MAP3K14: variants seen among roughly 807,000 people sequenced by gnomAD.
MAP3K14 encodes mitogen-activated protein kinase kinase kinase 14.
A neutral mutation model predicts 99.2 loss-of-function variants in MAP3K14; 16 were observed. The ratio of observed to expected loss-of-function variants is 0.16; its 90% confidence interval spans 0.11 to 0.24. The LOEUF is 0.24. Among genes scored for constraint, MAP3K14 ranks in the 10% least tolerant of loss-of-function variants. The pLI is 1.00. For missense variants in MAP3K14, 784 were observed against 1,208.7 expected (o/e 0.65, Z 5.21); for synonymous variants, 462 against 492.4 (o/e 0.94, Z 0.82).
At chr17:45,303,924 G>C (rs921919261) in intron 1 of MAP3K14, among the ~76,000 whole-genome samples, 3 of 150,654 alleles carry the variant, frequency 2.0e-5, no homozygotes, top group South Asian at 4.2e-4. Context: ...TTATACACAT[G>C]TAATGTCATA....
At chr17:45,269,797 A>G (rs2044127903) in intron 11 of MAP3K14, among the ~76,000 whole-genome samples, 1 of 152,158 alleles carries the variant, frequency 6.6e-6, no homozygotes, top group South Asian at 2.1e-4. Context: ...CTTCATTTGT[A>G]TCCTTTGTAA....
chr17:45,270,304 G>T (rs2044132394), intron 11 of MAP3K14, 109 bp downstream of exon 11: 3 of 1,349,860 alleles, frequency 2.2e-6, no homozygotes, highest in South Asian at 3.0e-5. Flanking sequence ...ATCCAGAGGG[G>T]GAAACTAAGG....
chr17:45,303,389 C>T (rs758532426), intron 1 of MAP3K14, among the ~76,000 whole-genome samples: 15 of 152,076 alleles, frequency 9.9e-5, no homozygotes, highest in Admixed American at 3.3e-4. Flanking sequence ...GGGGAAATCT[C>T]GTCTCTACTA....
At chr17:45,273,300 G>A (rs1391747818) in intron 9 of MAP3K14, among the ~76,000 whole-genome samples, 1 of 152,160 alleles carries the variant, frequency 6.6e-6, no homozygotes, top group Non-Finnish European at 1.5e-5. Context: ...CCTGTGTACA[G>A]GAGCATCGAC....
chr17:45,293,522 C>T (rs781098077), intron 1 of MAP3K14, among the ~76,000 whole-genome samples: 22 of 152,204 alleles, frequency 1.4e-4, no homozygotes, highest in Non-Finnish European at 2.9e-4. Flanking sequence ...CTTTGCAGTT[C>T]CCCGATGACT....
In MAP3K14 at chr17:45,267,548, A is replaced by G. The variant is rs376749009; in HGVS notation, c.2184T>C (p.Pro728=). The G allele has an allele frequency of 5.6e-6, 9 of 1,613,428 alleles. No individual in the cohort carries two copies. The African/African-American group carries it at 1.2e-4, about 22-fold the overall frequency. ...ACTCCTCCTTGCTCAAAGTCAAGGG[A>G]GGAGACTTGTTTGGCTCTGGGGGCT... is the stretch of plus-strand genomic sequence containing the variant. ...PPEPPEPNKS[P]PLTLSKEESG... Residue 728 remains proline, a synonymous_variant, in exon 12 of 16, where the codon CCT becomes CCC. Coordinates refer to ENST00000344686, the MANE Select transcript of MAP3K14 (RefSeq NM_003954.5). This position sits in a 1 kb window ranked among gnomAD's most constrained non-coding sequence, Gnocchi z 5.1.
chr17:45,295,248 T>C (rs887535989), intron 1 of MAP3K14, among the ~76,000 whole-genome samples: 22 of 151,668 alleles, frequency 1.5e-4, no homozygotes, highest in Non-Finnish European at 2.9e-5. Flanking sequence ...AGAAGAGCAG[T>C]GGGACCATTT....
intron 6 of MAP3K14, 134 bp downstream of exon 6, chr17:45,284,678 C>A: frequency 8.4e-7 from 1 of 1,192,322 alleles, no homozygotes; most frequent in South Asian, 1.7e-5. Flanking sequence ...CCTCAGGTGG[C>A]TAGTGATAGC....
At chr17:45,295,629 G>A (rs533692316) in intron 1 of MAP3K14, among the ~76,000 whole-genome samples, 124 of 152,338 alleles carry the variant, frequency 8.1e-4, no homozygotes, top group African/African-American at 2.7e-3. Flanking sequence ...CAAAAGTTAC[G>A]CAGTTGCAGG....
At chr17:45,274,070 T>C in intron 8 of MAP3K14, 53 bp downstream of exon 8, 2 of 1,588,350 alleles carry the variant, frequency 1.3e-6, no homozygotes, top group South Asian at 1.1e-5. Flanking sequence ...TCAGACAGGA[T>C]GGTGTGAGAG....
chr17:45,300,047 C>T (rs2044374343), intron 1 of MAP3K14, among the ~76,000 whole-genome samples: 1 of 152,116 alleles, frequency 6.6e-6, no homozygotes, highest in South Asian at 2.1e-4. Context: ...CGAGATCGCG[C>T]CACTGCACTC....
At chr17:45,269,196 G>A (rs2044123322) in intron 11 of MAP3K14, among the ~76,000 whole-genome samples, 1 of 151,978 alleles carries the variant, frequency 6.6e-6, no homozygotes, top group Non-Finnish European at 1.5e-5. Context: ...TTTTTTTGCA[G>A]AGAAAGGGTC....
chr17:45,268,083 C>G (rs745608949), intron 11 of MAP3K14: 21 of 272,952 alleles, frequency 7.7e-5, no homozygotes, highest in Non-Finnish European at 1.2e-4. Context: ...AGATTGAAAA[C>G]AGCCCTGGGG....
At position 45,267,394 on chromosome 17, in the gene MAP3K14, G is replaced by A. The variant is rs751958888; in HGVS notation, c.2326+12C>T. On this transcript the variant is annotated intron_variant, in intron 12 of 15. Transcript: ENST00000344686. The surrounding 1 kb of genome is among the most constrained non-coding windows in gnomAD (Gnocchi z 5.1). ...GTGCTCAGGGCCCCACTGCAGCCACGGCTGCCCGTACCTATTTCCAGCTGC... is the reference window on the plus strand; with the variant it reads ...GTGCTCAGGGCCCCACTGCAGCCACAGCTGCCCGTACCTATTTCCAGCTGC... 16 of 1,571,540 alleles carry A rather than the reference G, an allele frequency of 1.0e-5. No homozygotes were observed. Among genetic ancestry groups the A allele is most frequent in the Middle Eastern group, 2.0e-4 (1 of 5,088 alleles).
chr17:45,267,524 C>T lies in MAP3K14; in HGVS notation c.2208G>A (p.Glu736=). The T allele has an allele frequency of 1.9e-6, 3 of 1,613,312 alleles. No individual in the cohort carries two copies. The highest frequency in any genetic ancestry group is 2.5e-6 in the Non-Finnish European group (3 of 1,179,544). The change falls in exon 12 of 16, where the codon GAG becomes GAA. Residue 736 remains glutamate, a synonymous_variant. Transcript: ENST00000344686. The surrounding 1 kb of genome is among the most constrained non-coding windows in gnomAD (Gnocchi z 5.1). ...GAGGTAAGGGTTCCCACATCCCAGA[C>T]TCCTCCTTGCTCAAAGTCAAGGGAG... The part of the protein sequence containing the change: ...KSPPLTLSKE[E]SGMWEPLPLS...
At chr17:45,302,777 TGTGTGG>T (rs1261671986) in intron 1 of MAP3K14, among the ~76,000 whole-genome samples, 6 of 152,104 alleles carry the variant, frequency 3.9e-5, no homozygotes, top group African/African-American at 9.7e-5. Flanking sequence ...CACAAACCCA[TGTGTGG>T]GCAGGAAACT....
intron 10 of MAP3K14, 134 bp downstream of exon 10, chr17:45,270,924 A>C: frequency 4.7e-6 from 6 of 1,266,188 alleles, no homozygotes; most frequent in Non-Finnish European, 6.6e-6. Context: ...CAAGTATTTG[A>C]ATTAGGATCC....
At chr17:45,312,104 C>A (rs2044485036) in intron 1 of MAP3K14, among the ~76,000 whole-genome samples, 1 of 152,232 alleles carries the variant, frequency 6.6e-6, no homozygotes, top group Admixed American at 6.5e-5. Flanking sequence ...ACTTTCTCTG[C>A]AACTGTGCTG....
chr17:45,272,662 G>A lies in MAP3K14; in HGVS notation c.1657+841C>T, dbSNP rs937280812. Among the ~76,000 whole-genome samples the A allele has an allele frequency of 1.3e-5, 2 of 152,094 alleles. No individual in the cohort carries two copies. Among genetic ancestry groups the A allele is most frequent in the Non-Finnish European group, 2.9e-5 (2 of 68,032 alleles). Reference sequence around the variant, plus strand: ...TATTTAAAATATTCATGATTCGGCCGGGCACGGAGGCTCATGCCTGTAATT... The same window carrying A: ...TATTTAAAATATTCATGATTCGGCCAGGCACGGAGGCTCATGCCTGTAATT... On this transcript the variant is annotated intron_variant, in intron 9 of 15. Coordinates refer to ENST00000344686, the MANE Select transcript of MAP3K14 (RefSeq NM_003954.5). The surrounding 1 kb of genome is among the most constrained non-coding windows in gnomAD (Gnocchi z 4.1).
Sources: gnomAD v4.1 joint callset for allele counts (sites outside exome capture counted in the v4.1 genomes callset) on GRCh38, gnomAD v4.1.1 for gene constraint, Gnocchi (gnomAD v3.1) non-coding constraint, MANE v1.5 for transcripts, NCBI Gene and HGNC (gene_info 2026-07-23, HGNC 2026-07-21) for gene names.